The following PDE1C variants were observed in gnomAD, a reference collection of about 807,000 sequenced individuals.
PDE1C encodes the protein phosphodiesterase 1C.
A neutral mutation model predicts 93.1 loss-of-function variants in PDE1C; 62 were observed. That is an observed-to-expected ratio of 0.67 (90% CI 0.54 to 0.82). PDE1C has a LOEUF of 0.82. Ranked by LOEUF, PDE1C falls within the 40% of genes least tolerant of loss-of-function variation. The pLI, the probability that PDE1C is intolerant of heterozygous loss-of-function variation, is 0.00. For missense variants in PDE1C, 742 were observed against 884.6 expected (o/e 0.84, Z 2.04); for synonymous variants, 325 against 310.1 (o/e 1.05, Z -0.50).
intron 2 of PDE1C, among the ~76,000 whole-genome samples, chr7:32,013,779 T>G (rs1296397451): frequency 6.6e-6 from 1 of 152,242 alleles, no homozygotes; most frequent in Non-Finnish European, 1.5e-5. Context: ...CCTAAGAATG[T>G]TAGCACAGGT....
intron 3 of PDE1C, among the ~76,000 whole-genome samples, chr7:32,148,430 C>A (rs962404994): frequency 2.0e-5 from 3 of 151,988 alleles, no homozygotes; most frequent in Non-Finnish European, 4.4e-5. Flanking sequence ...CTCAATTTGG[C>A]AGATAAGTTT....
chr7:32,011,027 A>C lies in PDE1C; in HGVS notation c.128+40527T>G, dbSNP rs532045449. The stretch of plus-strand genomic sequence containing the variant: ...AATCCATACAAAAAAAGAAACTAAT[A>C]AGCTGGACTTTATTAAAATTAAGAA... On this transcript the variant is annotated intron_variant, in intron 2 of 17. Coordinates refer to ENST00000396191, the MANE Select transcript of PDE1C (RefSeq NM_001191057.4). Among the ~76,000 whole-genome samples, 10 of 152,264 alleles carry C rather than the reference A, an allele frequency of 6.6e-5. No individual in the cohort carries two copies. In the East Asian group the frequency reaches 1.9e-3, roughly 29 times the overall value.
At chr7:32,179,205 A>G (rs1215855489) in intron 2 of PDE1C, among the ~76,000 whole-genome samples, 1 of 151,648 alleles carries the variant, frequency 6.6e-6, no homozygotes, top group African/African-American at 2.4e-5. Flanking sequence ...GGAAACAGAC[A>G]ATTTTTTACA....
intron 16 of PDE1C, among the ~76,000 whole-genome samples, chr7:31,791,777 T>C (rs988711097): frequency 1.3e-5 from 2 of 152,080 alleles, no homozygotes; most frequent in Non-Finnish European, 2.9e-5. Flanking sequence ...AGGAGAATGA[T>C]GCACCTCCTG....
chr7:32,247,812 T>C (rs936044360), intron 1 of PDE1C, among the ~76,000 whole-genome samples: 2 of 152,180 alleles, frequency 1.3e-5, no homozygotes. Context: ...AGGTTAGATA[T>C]ATTAAATGCA....
chr7:32,356,350 T>C (rs899882862), intron 1 of PDE1C, among the ~76,000 whole-genome samples: 1 of 152,320 alleles, frequency 6.6e-6, no homozygotes, highest in Non-Finnish European at 1.5e-5. Context: ...TGGCTCCTTG[T>C]TAATTACAAT....
intron 1 of PDE1C, among the ~76,000 whole-genome samples, chr7:32,401,432 G>T (rs1328046199): frequency 6.6e-6 from 1 of 151,980 alleles, no homozygotes; most frequent in Non-Finnish European, 1.5e-5. Flanking sequence ...AACTACTCGG[G>T]AGGCTGAGGC....
At chr7:32,001,279 T>A (rs185619730) in intron 2 of PDE1C, among the ~76,000 whole-genome samples, 7 of 152,386 alleles carry the variant, frequency 4.6e-5, no homozygotes, top group Admixed American at 3.9e-4. Context: ...GCATGTATAC[T>A]ATTTTAAAAG....
intron 1 of PDE1C, among the ~76,000 whole-genome samples, chr7:32,383,350 G>A (rs1784567858): frequency 2.0e-5 from 3 of 152,218 alleles, no homozygotes; most frequent in African/African-American, 7.2e-5. Flanking sequence ...AAAGGCTGAG[G>A]TTTGAGTCCA....
At chr7:32,084,506 T>C (rs1399819886) in intron 3 of PDE1C, among the ~76,000 whole-genome samples, 2 of 149,654 alleles carry the variant, frequency 1.3e-5, no homozygotes, top group Non-Finnish European at 3.0e-5. Flanking sequence ...GCAGACCTAA[T>C]AGACATCTAC....
At chr7:32,366,242 A>G (rs2128086478) in intron 1 of PDE1C, among the ~76,000 whole-genome samples, 1 of 152,350 alleles carries the variant, frequency 6.6e-6, no homozygotes, top group South Asian at 2.1e-4. Context: ...ATCATTAAAA[A>G]AGAACCAAAC....
At chr7:31,834,355 T>C (rs369868595) in intron 11 of PDE1C, among the ~76,000 whole-genome samples, 22 of 152,224 alleles carry the variant, frequency 1.4e-4, no homozygotes, top group African/African-American at 5.1e-4. Flanking sequence ...GATCCCAGAA[T>C]GGTAGGTCCA....
chr7:32,147,270 AAAAAAGAAAG>A (rs1447272165), intron 3 of PDE1C, among the ~76,000 whole-genome samples: 2,840 of 57,878 alleles, frequency 0.049, 170 homozygotes, highest in Middle Eastern at 0.1. Flanking sequence ...GAAAGAAAGA[AAAAAAGAAAG>A]AAAGAAAGAA....
intron 3 of PDE1C, among the ~76,000 whole-genome samples, chr7:32,096,983 G>A (rs1797788781): frequency 6.6e-6 from 1 of 152,212 alleles, no homozygotes; most frequent in African/African-American, 2.4e-5. Flanking sequence ...AGAACCAATG[G>A]TGATGGTCCA....
At chr7:32,156,724 A>T (rs1278042554) in intron 3 of PDE1C, among the ~76,000 whole-genome samples, 1 of 152,208 alleles carries the variant, frequency 6.6e-6, no homozygotes, top group African/African-American at 2.4e-5. Context: ...ATATCATCCA[A>T]TACATAGAAA....
the PDE1C span, among the ~76,000 whole-genome samples, chr7:31,741,321 A>C: frequency 6.6e-6 from 1 of 152,170 alleles, no homozygotes; most frequent in Admixed American, 6.5e-5. Flanking sequence ...CTAAAGTTTC[A>C]TAATATATAC....
chr7:32,117,565 A>G (rs1055086532), intron 3 of PDE1C, among the ~76,000 whole-genome samples: 1 of 152,224 alleles, frequency 6.6e-6, no homozygotes, highest in African/African-American at 2.4e-5. Context: ...TCATTTTAAC[A>G]GTTGGTCAGT....
At chr7:32,362,062 G>A (rs1315593332) in intron 1 of PDE1C, among the ~76,000 whole-genome samples, 3 of 152,166 alleles carry the variant, frequency 2.0e-5, no homozygotes, top group East Asian at 1.9e-4. Context: ...CAGAGGGGCC[G>A]GAATGTGGCA....
chr7:32,387,675 G>A (rs1784661678), intron 1 of PDE1C, among the ~76,000 whole-genome samples: 2 of 144,114 alleles, frequency 1.4e-5, no homozygotes, highest in African/African-American at 2.6e-5. Flanking sequence ...GGCCGGGCGG[G>A]GGGCTGACCC....
Sources: allele counts gnomAD v4.1 joint callset (sites outside exome capture counted in the v4.1 genomes callset), GRCh38; gene constraint gnomAD v4.1.1; transcripts MANE v1.5; gene names NCBI Gene and HGNC (gene_info 2026-07-23, HGNC 2026-07-21).